SBF1: variants seen among roughly 807,000 people sequenced by gnomAD.
SBF1 encodes the protein myotubularin-related protein 5.
In SBF1, 65 loss-of-function variants were observed where a neutral mutation model predicts 215.8. The observed-to-expected ratio is 0.30, with a 90% CI of 0.25 to 0.37. SBF1 has a LOEUF of 0.37. Ranked by LOEUF, SBF1 falls within the 10% of genes least tolerant of loss-of-function variation. The probability of loss-of-function intolerance (pLI) is 1.00; values close to 1 mark genes in which losing one functional copy is unlikely to be tolerated. For missense variants in SBF1, 2,634 were observed against 2,667.8 expected, an observed-to-expected ratio of 0.99 and a Z score of 0.28; for synonymous variants, 1,410 against 1,122.8, an observed-to-expected ratio of 1.26 and a Z score of -5.11.
rs1287770905 is a variant in SBF1 at position 50,464,400 on chromosome 22, C to T, written c.1678G>A (p.Ala560Thr). The change falls in exon 15 of 41, where the codon GCC (alanine) becomes ACC (threonine). Residue 560 changes from alanine to threonine, a missense_variant. By Grantham distance (58) the Ala-to-Thr change is moderately conservative. Coordinates refer to ENST00000380817, the MANE Select transcript of SBF1 (RefSeq NM_002972.4). ...TTGCGCACAACCTCCAGCCGCCGGG[C>T]GCTGTTGACATGCAGCCCACTGCAC... ...ERCSGLHVNS[A>T]RRLEVVRNCI... 2.3e-5 allele frequency: 37 copies of T among 1,613,996 alleles called. No individual in the cohort carries two copies. Among genetic ancestry groups the T allele is most frequent in the African/African-American group, 4.0e-5 (3 of 74,954 alleles).
Position 50,461,958 on chromosome 22 carries a change from A to C in SBF1, c.2558T>G (p.Val853Gly), listed in dbSNP as rs1489977026. 2 of 1,614,132 alleles carry C rather than the reference A, an allele frequency of 1.2e-6. No homozygotes were observed. The highest frequency in any genetic ancestry group is 2.2e-5 in the South Asian group (2 of 91,086). Reference sequence around the variant, plus strand: ...CCAAACCCCCGTACCTGGCACCATGACATGCAGCCCCTTGAGGTGGTCGCT... The same window carrying C: ...CCAAACCCCCGTACCTGGCACCATGCCATGCAGCCCCTTGAGGTGGTCGCT... ...VTSDHLKGLH[V>G]MVPDIVQMHI... Residue 853 changes from valine (V) to glycine (G), a missense_variant, in exon 20 of 41, where the codon GTC becomes GGC. Val to Gly is a moderately radical substitution (Grantham distance 109). Transcript: ENST00000380817.
At chr22:50,453,136 C>T (rs1335035124) in intron 36 of SBF1, among the ~76,000 whole-genome samples, 1 of 152,126 alleles carries the variant, frequency 6.6e-6, no homozygotes, top group Non-Finnish European at 1.5e-5. Context: ...GAAGACCCAA[C>T]TACATCTACA....
At position 50,455,304 on chromosome 22, in the gene SBF1, G is replaced by A; in HGVS notation, c.4474C>T (p.His1492Tyr). 6.2e-7 allele frequency: 1 copy of A among 1,613,476 alleles called. No homozygotes were observed. The highest frequency in any genetic ancestry group is 8.5e-7 in the Non-Finnish European group (1 of 1,179,942). Residue 1492 changes from histidine (H) to tyrosine (Y), a missense_variant, in exon 33 of 41, where the codon CAC becomes TAC. Coordinates refer to ENST00000380817, the MANE Select transcript of SBF1 (RefSeq NM_002972.4). ...CCGGCCAGGGTGTGAGCTCCACGGT[G>A]GCTGAAGCGATGGCCGAAGGACAGC... ...EWLSFGHRFS[H>Y]RGAHTLAGQS...
At chr22:50,450,690 G>A (rs1264230105) in intron 36 of SBF1, among the ~76,000 whole-genome samples, 1 of 152,194 alleles carries the variant, frequency 6.6e-6, no homozygotes, top group Non-Finnish European at 1.5e-5. Context: ...TATCCCTGGA[G>A]CTTCTCTAGA....
chr22:50,459,189 A>G, intron 28 of SBF1, 66 bp downstream of exon 28: 3 of 1,540,798 alleles, frequency 1.9e-6, no homozygotes, highest in Non-Finnish European at 2.6e-6. Context: ...TGCCTGCCAA[A>G]CCATAAATGC....
Position 50,459,989 on chromosome 22 carries a change from T to A in SBF1, c.3454A>T (p.Ile1152Phe). ...LSRAKSEPFRISPVNRMYAIC... is the reference protein window; with the variant it reads ...LSRAKSEPFRFSPVNRMYAIC... The stretch of plus-strand genomic sequence containing the variant: ...GCATACATGCGGTTGACCGGAGAAA[T>A]GCGGAAGGGCTCAGACTTGGCCCGG... The change falls in exon 26 of 41, where the codon ATT (isoleucine) becomes TTT (phenylalanine). Residue 1152 changes from isoleucine (I) to phenylalanine (F), a missense_variant. Transcript: ENST00000380817. 1 of 1,613,840 alleles carries A rather than the reference T, an allele frequency of 6.2e-7. No homozygotes were observed. Among genetic ancestry groups the A allele is most frequent in the Non-Finnish European group, 8.5e-7 (1 of 1,179,946 alleles).
chr22:50,472,476 G>A (rs771481971), intron 1 of SBF1, among the ~76,000 whole-genome samples: 31 of 152,178 alleles, frequency 2.0e-4, no homozygotes, highest in East Asian at 5.8e-4. Flanking sequence ...TGCCTGTTGT[G>A]TCTGTGCCTA....
intron 1 of SBF1, among the ~76,000 whole-genome samples, chr22:50,473,425 C>G (rs1376882974): frequency 3.9e-5 from 6 of 152,182 alleles, no homozygotes. Context: ...GACAGCCAAC[C>G]TGCACAGTGG....
chr22:50,447,052 C>T lies in SBF1; in HGVS notation c.*90G>A. The T allele has an allele frequency of 1.7e-6, 2 of 1,178,558 alleles. No individual in the cohort carries two copies. The highest frequency in any genetic ancestry group is 2.4e-6 in the Non-Finnish European group (2 of 817,992). 73.0% of individuals were successfully genotyped at this position (1,178,558 alleles called of 1,614,324 possible). ...CTCGGGGCCTCAATACTGTCGAGGGCCGGGGCTGTAAACATGGCCGGGGCG... is the reference window on the plus strand; with the variant it reads ...CTCGGGGCCTCAATACTGTCGAGGGTCGGGGCTGTAAACATGGCCGGGGCG... On this transcript the variant is annotated 3_prime_UTR_variant, in exon 41 of 41. Transcript: ENST00000380817.
chr22:50,461,664 G>A lies in SBF1; in HGVS notation c.2698C>T (p.Leu900=), dbSNP rs755112744. ...CCATCCGGCAGCAGGTAGACGCGCA[G>A]GCCGTCCAGCACACACTCCTCACCC... is the stretch of plus-strand genomic sequence containing the variant. ...LPGEECVLDG[L]RVYLLPDGRE... is the part of the protein sequence containing the mutation. Residue 900 remains leucine (L), a synonymous_variant, in exon 22 of 41, where the codon CTG becomes TTG. Coordinates refer to ENST00000380817, the MANE Select transcript of SBF1 (RefSeq NM_002972.4). 1 of 1,610,674 alleles carries A rather than the reference G, an allele frequency of 6.2e-7. No individual in the cohort carries two copies. The highest frequency in any genetic ancestry group is 8.5e-7 in the Non-Finnish European group (1 of 1,179,728).
rs1335832750 is a variant in SBF1 at position 50,459,262 on chromosome 22, G to A, written c.3819C>T (p.Gly1273=). ...GCCCACAAGCACCCTCACCGTGACT[G>A]CCCATGTGGGCTGAGGAGAAGCCGC... The part of the protein sequence containing the change: ...TLSGFSSAHM[G]SHVPSPRARV... Residue 1273 remains glycine (G), a synonymous_variant, in exon 28 of 41, where the codon GGC becomes GGT. Coordinates refer to ENST00000380817, the MANE Select transcript of SBF1 (RefSeq NM_002972.4). 7 of 1,600,566 alleles carry A rather than the reference G, an allele frequency of 4.4e-6. No individual in the cohort carries two copies. Among genetic ancestry groups the A allele is most frequent in the East Asian group, 2.2e-5 (1 of 44,468 alleles).
rs764161986 is a variant in SBF1, at chr22:50,462,300, G to A, written c.2301C>T (p.Leu767=). 19 of 1,613,640 alleles carry A rather than the reference G, an allele frequency of 1.2e-5. 1 individual carries two copies. The Admixed American group carries it at 1.8e-4, about 16-fold the overall frequency. Residue 767 remains leucine, a synonymous_variant, in exon 19 of 41, where the codon CTC becomes CTT. Coordinates refer to ENST00000380817, the MANE Select transcript of SBF1 (RefSeq NM_002972.4). ...AIHYANRMSY[L]LLPLDSSKSR... is the part of the protein sequence containing the mutation. ...TCTTGCTGCTGTCCAGGGGCAGGAG[G>A]AGGTAGCTCATGCGGTTGGCATAGT...
chr22:50,465,058 A>G lies in SBF1; in HGVS notation c.1275T>C (p.Phe425=), dbSNP rs1270300223. 5.0e-6 allele frequency: 8 copies of G among 1,613,972 alleles called. No homozygotes were observed. Among genetic ancestry groups the G allele is most frequent in the Non-Finnish European group, 6.8e-6 (8 of 1,179,996 alleles). Residue 425 remains phenylalanine (F), a synonymous_variant, in exon 12 of 41, where the codon TTT becomes TTC. Coordinates refer to ENST00000380817, the MANE Select transcript of SBF1 (RefSeq NM_002972.4). ...CCCCACGCTCTGACACAAAGCCAGC[A>G]AAGGCCATGCCCTCCAGCACCTTCA... ...FLMKVLEGMA[F]AGFVSERGVP... is the part of the protein sequence containing the mutation.
chr22:50,472,551 T>C (rs2068033625), intron 1 of SBF1, among the ~76,000 whole-genome samples: 1 of 152,186 alleles, frequency 6.6e-6, no homozygotes, highest in Non-Finnish European at 1.5e-5. Flanking sequence ...GGGCCTCCTG[T>C]GTGCTACTGC....
intron 2 of SBF1, among the ~76,000 whole-genome samples, chr22:50,468,151 C>G (rs1403618975): frequency 6.6e-6 from 1 of 152,184 alleles, no homozygotes; most frequent in African/African-American, 2.4e-5. Flanking sequence ...GATGGGAGAA[C>G]AGTCCCCACC....
chr22:50,454,458 CTG>C (rs913698655), intron 36 of SBF1, 52 bp downstream of exon 36: 1 of 1,476,810 alleles, frequency 6.8e-7, no homozygotes, highest in African/African-American at 1.4e-5. Flanking sequence ...ACCCTGGTGT[CTG>C]AGCGAGAGGA....
chr22:50,468,281 G>T, intron 2 of SBF1, 95 bp downstream of exon 2: 1 of 1,187,708 alleles, frequency 8.4e-7, no homozygotes, highest in Non-Finnish European at 1.2e-6. Context: ...GGGGGGCCGG[G>T]CACTGTGGAG....
At chr22:50,460,449 A>G (rs1309344174) in intron 24 of SBF1, 41 bp from the exon 25 acceptor site, 1 of 1,602,428 alleles carries the variant, frequency 6.2e-7, no homozygotes, top group Non-Finnish European at 8.5e-7. Flanking sequence ...AGGAGGAGGG[A>G]CAAAGATGAG....
intron 38 of SBF1, 105 bp from the exon 39 acceptor site, chr22:50,447,714 C>T: frequency 1.2e-6 from 1 of 801,986 alleles, no homozygotes; most frequent in Non-Finnish European, 2.0e-6. Context: ...GAGGTAAGAC[C>T]AGGCACCCTG....
Sources: allele counts gnomAD v4.1 joint callset (sites outside exome capture counted in the v4.1 genomes callset), GRCh38; gene constraint gnomAD v4.1.1; transcripts MANE v1.5; gene names NCBI Gene and HGNC (gene_info 2026-07-23, HGNC 2026-07-21).